The following SERINC5 variants were observed in gnomAD, a reference collection of about 807,000 sequenced individuals.
SERINC5 encodes the protein chromosome 5 open reading frame 12.
In SERINC5, 41 loss-of-function variants were observed where a neutral mutation model predicts 63.1. The observed-to-expected ratio is 0.65, with a 90% CI of 0.51 to 0.84. The LOEUF (loss-of-function observed/expected upper bound fraction) is 0.84, where lower values mean the gene tolerates loss of function less well. SERINC5 is among the 40% of genes least tolerant of loss of function. The pLI, the probability that SERINC5 is intolerant of heterozygous loss-of-function variation, is 0.00. For missense variants in SERINC5, 523 were observed against 573.0 expected (o/e 0.91, Z 0.89); for synonymous variants, 222 against 215.2 (o/e 1.03, Z -0.28).
chr5:80,124,760 G>A (rs13154267), intron 11 of SERINC5, among the ~76,000 whole-genome samples: 10,186 of 152,200 alleles, frequency 0.067, 361 homozygotes, highest in African/African-American at 0.08. Flanking sequence ...CTCTCTGTAC[G>A]TCCTGATTCC....
chr5:80,169,352 G>A lies in SERINC5; in HGVS notation c.746C>T (p.Ser249Leu), dbSNP rs1561389154. 39 of 1,613,864 alleles carry A rather than the reference G, an allele frequency of 2.4e-5. No homozygotes were observed. Among genetic ancestry groups the A allele is most frequent in the Non-Finnish European group, 3.3e-5 (39 of 1,179,744 alleles). Residue 249 changes from serine to leucine, a missense_variant, in exon 6 of 12, where the codon TCA becomes TTA. Physicochemically the swap from Ser to Leu is moderately radical, Grantham distance 145 (BLOSUM62 -2). Transcript: ENST00000507668. ...LCLLISLVAI[S>L]PWVQNRQPHS... Reference sequence around the variant, plus strand: ...ATGCTTACGATTTTGGACCCAGGGTGAGATGGCTACCAATGATATAAGCAG... The same window carrying A: ...ATGCTTACGATTTTGGACCCAGGGTAAGATGGCTACCAATGATATAAGCAG...
At chr5:80,173,791 C>T (rs937369540) in intron 5 of SERINC5, among the ~76,000 whole-genome samples, 7 of 151,982 alleles carry the variant, frequency 4.6e-5, no homozygotes, top group Non-Finnish European at 1.0e-4. Flanking sequence ...CTTACTTGCA[C>T]CCCTGACACC....
chr5:80,111,610 G>C (rs1332507872), downstream of SERINC5: 2 of 152,184 alleles, frequency 1.3e-5, no homozygotes, highest in African/African-American at 4.8e-5. Flanking sequence ...GAGTCAGCTT[G>C]CACAAGTTAA....
In SERINC5 at chr5:80,220,220, T is replaced by TA. The variant is rs756073441; in HGVS notation, c.28-17168dup. ...AAGACTCTGTCTCAATAAATAAAAA[T>TA]AAAAAAAAAAAAGAGAGAGAGAGAT... On this transcript the variant is annotated intron_variant, in intron 1 of 11. Transcript: ENST00000507668. 2.5e-4 allele frequency among the ~76,000 whole-genome samples: 20 copies of TA among 79,106 alleles called. No homozygotes were observed. The South Asian group carries it at 3.0e-3, about 12-fold the overall frequency. 51.9% of individuals were successfully genotyped at this position (79,106 alleles called of 152,430 possible).
chr5:80,236,481 G>T (rs1376288737), intron 1 of SERINC5, among the ~76,000 whole-genome samples: 2 of 151,360 alleles, frequency 1.3e-5, no homozygotes, highest in African/African-American at 4.9e-5. Context: ...AAGCAGGTTT[G>T]TCCTTTTCCT....
At chr5:80,215,312 T>A (rs1390108365) in intron 1 of SERINC5, among the ~76,000 whole-genome samples, 1 of 152,202 alleles carries the variant, frequency 6.6e-6, no homozygotes, top group African/African-American at 2.4e-5. Flanking sequence ...GTAAGACACC[T>A]GCTCCTCCCT....
intron 1 of SERINC5, among the ~76,000 whole-genome samples, chr5:80,206,739 C>G (rs1750182697): frequency 6.6e-6 from 1 of 151,856 alleles, no homozygotes; most frequent in African/African-American, 2.4e-5. Context: ...TGTCCCCTCC[C>G]CACTGCTTTA....
chr5:80,191,476 C>G lies in SERINC5; in HGVS notation c.195+11410G>C, dbSNP rs189084388. On this transcript the variant is annotated intron_variant, in intron 2 of 11. Coordinates refer to ENST00000507668, the MANE Select transcript of SERINC5 (RefSeq NM_001174072.3). ...TGGGCAACATAGGGAGACTCCATCT[C>G]TACAAAAAAAAAAAAAAAAGAAAAA... Among the ~76,000 whole-genome samples, 623 of 107,908 alleles carry G rather than the reference C, an allele frequency of 5.8e-3. 1 individual carries two copies. Among genetic ancestry groups the G allele is most frequent in the African/African-American group, 0.022 (588 of 26,946 alleles). The allele number at this position is 107,908 out of a possible 152,430, so 70.8% of individuals were successfully genotyped here. A position where few individuals can be genotyped will look rare whatever the true frequency, so the allele number is the denominator to read the frequency against.
rs1029524125 is a variant in SERINC5 at position 80,251,498 on chromosome 5, G to A, written c.27+4398C>T. Among the ~76,000 whole-genome samples the A allele has an allele frequency of 4.6e-5, 7 of 152,230 alleles. No homozygotes were observed. In the East Asian group the frequency reaches 1.2e-3, roughly 25 times the overall value. ...TAATCCCAGCACTTTGGGAGGCAGA[G>A]GCGGGCGGGTCACCTGAGGTCAGGA... On this transcript the variant is annotated intron_variant, in intron 1 of 11. Transcript: ENST00000507668.
Position 80,175,004 on chromosome 5 carries a change from G to T in SERINC5, c.501C>A (p.Gly167=). 1 of 1,603,214 alleles carries T rather than the reference G, an allele frequency of 6.2e-7. No homozygotes were observed. Among genetic ancestry groups the T allele is most frequent in the Non-Finnish European group, 8.5e-7 (1 of 1,174,680 alleles). The change falls in exon 5 of 12, where the codon GGC becomes GGA. Residue 167 remains glycine (G), a synonymous_variant. Coordinates refer to ENST00000507668, the MANE Select transcript of SERINC5 (RefSeq NM_001174072.3). ...ACTCCACGAGCAGGAGGAGCTGGAT[G>T]CCAATGAAGAGGAAGCCTCCGACGG... ...VGAVGGFLFI[G]IQLLLLVEFA...
At chr5:80,137,145 AAAAAAAAAAAAAAAAAAAC>A (rs1745218251), downstream of SERINC5, among the ~76,000 whole-genome samples, 1 of 118,096 alleles carries the variant, frequency 8.5e-6, no homozygotes, top group Non-Finnish European at 1.8e-5. Context: ...GTCTCAAAAA[AAAAAAAAAAAAAAAAAAAC>A]AAAAAAAACA....
At chr5:80,205,049 C>T (rs1295008477) in intron 1 of SERINC5, among the ~76,000 whole-genome samples, 1 of 152,196 alleles carries the variant, frequency 6.6e-6, no homozygotes, top group African/African-American at 2.4e-5. Context: ...ACCTAAAACA[C>T]AGTTACACAA....
chr5:80,183,390 G>A (rs1292231368), intron 2 of SERINC5, among the ~76,000 whole-genome samples: 3 of 152,138 alleles, frequency 2.0e-5, no homozygotes, highest in East Asian at 3.9e-4. Context: ...GTATCCCAGC[G>A]AGAACAGTCT....
At chr5:80,144,006 T>C (rs1745669429) in intron 11 of SERINC5, 196 bp from the exon 12 acceptor site, 2 of 619,646 alleles carry the variant, frequency 3.2e-6, no homozygotes, top group Non-Finnish European at 5.4e-6. Flanking sequence ...TTAGGTGCTC[T>C]CCCCTTCCCC....
chr5:80,212,640 C>G (rs1750484135), intron 1 of SERINC5, among the ~76,000 whole-genome samples: 1 of 136,376 alleles, frequency 7.3e-6, no homozygotes, highest in Non-Finnish European at 1.5e-5. Context: ...ACCTTTCTTC[C>G]CACTACAAAA....
At chr5:80,191,874 G>A (rs1251868717) in intron 2 of SERINC5, among the ~76,000 whole-genome samples, 3 of 152,150 alleles carry the variant, frequency 2.0e-5, no homozygotes, top group Admixed American at 1.3e-4. Flanking sequence ...CTGGTACTCT[G>A]AGCACAATGT....
chr5:80,114,654 C>CA (rs540973280), intron 11 of SERINC5: 13,154 of 71,580 alleles, frequency 0.18, 1,024 homozygotes, highest in East Asian at 0.28. Flanking sequence ...GACTCCATCT[C>CA]AAAAAAAAAA....
At chr5:80,164,332 T>G (rs534629962) in intron 7 of SERINC5, among the ~76,000 whole-genome samples, 2 of 150,764 alleles carry the variant, frequency 1.3e-5, no homozygotes, top group Non-Finnish European at 3.0e-5. Context: ...TTCTCATGGG[T>G]TTTTTTGGGG....
At chr5:80,121,773 T>C (rs918890308) in intron 11 of SERINC5, among the ~76,000 whole-genome samples, 1 of 152,090 alleles carries the variant, frequency 6.6e-6, no homozygotes, top group Admixed American at 6.6e-5. Flanking sequence ...GAAGCAGGTG[T>C]GTCACATGGC....
Sources: allele counts gnomAD v4.1 joint callset (sites outside exome capture counted in the v4.1 genomes callset), GRCh38; gene constraint gnomAD v4.1.1; transcripts MANE v1.5; gene names NCBI Gene and HGNC (gene_info 2026-07-23, HGNC 2026-07-21).